Variants in GDAP1 observed in about 807,000 individuals in gnomAD.
The protein encoded by GDAP1 is ganglioside induced differentiation associated protein 1, also known as ganglioside-induced differentiation-associated protein 1.
Under a neutral mutation model 40.1 loss-of-function variants are expected in GDAP1, and 34 were observed. The ratio of observed to expected loss-of-function variants is 0.85; its 90% CI spans 0.64 to 1.13. GDAP1 has a LOEUF of 1.13. GDAP1 is among the 50% of genes most tolerant of loss of function. GDAP1 has a pLI of 0.00. For synonymous variants in GDAP1, 170 were observed against 157.4 expected, an observed-to-expected ratio of 1.08 and a Z score of -0.60; for missense variants, 374 against 433.7, an observed-to-expected ratio of 0.86 and a Z score of 1.22.
intron 2 of GDAP1, among the ~76,000 whole-genome samples, chr8:74,396,147 T>C (rs1810195230): frequency 6.6e-6 from 1 of 152,144 alleles, no homozygotes; most frequent in South Asian, 2.1e-4. Context: ...ATTTACATTA[T>C]AATTTTTTGG....
intron 2 of GDAP1, among the ~76,000 whole-genome samples, chr8:74,436,006 G>T (rs960389025): frequency 6.6e-6 from 1 of 152,186 alleles, no homozygotes; most frequent in African/African-American, 2.4e-5. Flanking sequence ...GCATCCTGTT[G>T]TGCTGATTCC....
At chr8:74,486,436 T>A (rs1021890769) in intron 2 of GDAP1, among the ~76,000 whole-genome samples, 2 of 152,206 alleles carry the variant, frequency 1.3e-5, no homozygotes, top group African/African-American at 4.8e-5. Context: ...AAATTCTGTG[T>A]GGTCAGAATC....
At chr8:74,382,266 T>G (rs149159481) in intron 2 of GDAP1, among the ~76,000 whole-genome samples, 18 of 152,264 alleles carry the variant, frequency 1.2e-4, no homozygotes, top group African/African-American at 4.1e-4. Context: ...GTTAAGGTAC[T>G]TCATGCTCGT....
At chr8:74,370,722 A>G (rs192550854), downstream of GDAP1, among the ~76,000 whole-genome samples, 2 of 151,976 alleles carry the variant, frequency 1.3e-5, no homozygotes, top group East Asian at 3.9e-4. Context: ...TAAGAATGCA[A>G]GACACAAGTA....
chr8:74,400,166 G>T (rs375176209), intron 2 of GDAP1, among the ~76,000 whole-genome samples: 5 of 149,574 alleles, frequency 3.3e-5, no homozygotes, highest in South Asian at 2.1e-4. Flanking sequence ...AGTCTCCTAT[G>T]ATTATTGTGT....
intron 2 of GDAP1, among the ~76,000 whole-genome samples, chr8:74,441,145 T>C (rs1411857530): frequency 1.3e-5 from 2 of 152,138 alleles, no homozygotes; most frequent in Non-Finnish European, 2.9e-5. Flanking sequence ...TTCTGAAAAG[T>C]CCAAGATTTG....
At chr8:74,372,678 A>G (rs1309165631) in intron 2 of GDAP1, among the ~76,000 whole-genome samples, 1 of 152,190 alleles carries the variant, frequency 6.6e-6, no homozygotes, top group East Asian at 1.9e-4. Context: ...CCTTTGTCAG[A>G]TGAGTAGATT....
intron 2 of GDAP1, among the ~76,000 whole-genome samples, chr8:74,412,692 C>G (rs117007344): frequency 6.7e-6 from 1 of 149,846 alleles, no homozygotes; most frequent in Non-Finnish European, 1.5e-5. Flanking sequence ...GGCAAAGAAA[C>G]AACAAGGTGA....
In GDAP1 at chr8:74,366,421, TAA is replaced by T; in HGVS notation, c.*2061_*2062del. 1 of 454,186 alleles carries T rather than the reference TAA, an allele frequency of 2.2e-6. No individual in the cohort carries two copies. The highest frequency in any genetic ancestry group is 1.6e-5 in the South Asian group (1 of 64,438). The allele number at this position is 454,186 out of a possible 1,614,324, so 28.1% of individuals were successfully genotyped here. Reference sequence around the variant, plus strand: ...TCTTCATCAGATTATTCTTCTGTTTTAAAAAAAAGCTTGAGGCAAATGTGAGT... The same window carrying T: ...TCTTCATCAGATTATTCTTCTGTTTTAAAAAAGCTTGAGGCAAATGTGAGT... On this transcript the variant is annotated 3_prime_UTR_variant, in exon 6 of 6. Coordinates refer to ENST00000220822, the MANE Select transcript of GDAP1 (RefSeq NM_018972.4).
At position 74,364,862 on chromosome 8, in the gene GDAP1, T is replaced by C. The variant is rs1809546327; in HGVS notation, c.*495T>C. 2 of 454,168 alleles carry C rather than the reference T, an allele frequency of 4.4e-6. No homozygotes were observed. The highest frequency in any genetic ancestry group is 2.3e-5 in the Admixed American group (1 of 42,564). The allele number at this position is 454,168 out of a possible 1,614,324, so 28.1% of individuals were successfully genotyped here. A position where few individuals can be genotyped will look rare whatever the true frequency, so the allele number is the denominator to read the frequency against. On this transcript the variant is annotated 3_prime_UTR_variant, in exon 6 of 6. Coordinates refer to ENST00000220822, the MANE Select transcript of GDAP1 (RefSeq NM_018972.4). The stretch of plus-strand genomic sequence containing the variant: ...TTTAAATGCTTATGAATCACACACA[T>C]TGCTTTAGTAAGATTAAGTGCTTAT...
At position 74,365,988 on chromosome 8, in the gene GDAP1, C is replaced by A; in HGVS notation, c.*1621C>A. 2.2e-6 allele frequency: 1 copy of A among 451,684 alleles called. No homozygotes were observed. The highest frequency in any genetic ancestry group is 4.4e-6 in the Non-Finnish European group (1 of 226,230). 28.0% of individuals were successfully genotyped at this position (451,684 alleles called of 1,614,324 possible). On this transcript the variant is annotated 3_prime_UTR_variant, in exon 6 of 6. Transcript: ENST00000220822. ...TTCATAGTGTTTGAGTTCTTTATGT[C>A]ACTCTGTTAGAAACAAGAACTGAGT...
chr8:74,429,584 C>T (rs1806000963), intron 2 of GDAP1, among the ~76,000 whole-genome samples: 2 of 152,160 alleles, frequency 1.3e-5, no homozygotes, highest in African/African-American at 2.4e-5. Context: ...CTTCAGATGT[C>T]TTCACATGGT....
chr8:74,377,152 C>T (rs1271182794), intron 2 of GDAP1, among the ~76,000 whole-genome samples: 1 of 151,952 alleles, frequency 6.6e-6, no homozygotes, highest in African/African-American at 2.4e-5. Flanking sequence ...GAAAAGATTA[C>T]TAGAAAGGAC....
At chr8:74,447,188 C>T (rs1428118691) in intron 2 of GDAP1, among the ~76,000 whole-genome samples, 1 of 152,014 alleles carries the variant, frequency 6.6e-6, no homozygotes, top group Non-Finnish European at 1.5e-5. Context: ...GAATGAAACA[C>T]ACCAAAATTC....
chr8:74,352,176 C>CAT (rs1442592756), intron 2 of GDAP1, among the ~76,000 whole-genome samples: 1 of 152,222 alleles, frequency 6.6e-6, no homozygotes, highest in African/African-American at 2.4e-5. Flanking sequence ...CCAAAGCCTT[C>CAT]ATACTACACT....
chr8:74,456,397 A>G (rs1806336683), intron 2 of GDAP1, among the ~76,000 whole-genome samples: 1 of 151,944 alleles, frequency 6.6e-6, no homozygotes, highest in Non-Finnish European at 1.5e-5. Flanking sequence ...ATCAATTTTT[A>G]TGTTTTCCTA....
chr8:74,487,224 T>C (rs556008982), intron 2 of GDAP1, among the ~76,000 whole-genome samples: 2 of 152,282 alleles, frequency 1.3e-5, no homozygotes, highest in African/African-American at 4.8e-5. Context: ...AATTAGCAGT[T>C]TGATACATTG....
At chr8:74,433,580 A>T (rs1168828351) in intron 2 of GDAP1, among the ~76,000 whole-genome samples, 1 of 152,218 alleles carries the variant, frequency 6.6e-6, no homozygotes, top group Non-Finnish European at 1.5e-5. Flanking sequence ...ATGTTGAACC[A>T]TAGGGAATTG....
At chr8:74,397,014 C>A (rs911663679) in intron 2 of GDAP1, among the ~76,000 whole-genome samples, 9 of 152,124 alleles carry the variant, frequency 5.9e-5, no homozygotes, top group African/African-American at 1.9e-4. Flanking sequence ...CTCTCTAGCA[C>A]CTGATGTTTC....
Sources: allele counts gnomAD v4.1 joint callset (sites outside exome capture counted in the v4.1 genomes callset), GRCh38; gene constraint gnomAD v4.1.1; transcripts MANE v1.5; gene names NCBI Gene and HGNC (gene_info 2026-07-23, HGNC 2026-07-21).